Variants in NLGN1 observed in about 807,000 individuals in gnomAD.
The protein encoded by NLGN1 is neuroligin 1.
NLGN1 carries 12 observed loss-of-function variants against 65.5 expected under a neutral mutation model. The observed-to-expected ratio is 0.18, with a 90% CI of 0.12 to 0.30. The LOEUF (loss-of-function observed/expected upper bound fraction) is 0.30. Ranked by LOEUF, NLGN1 falls within the 10% of genes least tolerant of loss-of-function variation. NLGN1 has a pLI of 1.00. For synonymous variants in NLGN1, 350 were observed against 359.5 expected, an observed-to-expected ratio of 0.97 and a Z score of 0.30; for missense variants, 750 against 1,007.1, an observed-to-expected ratio of 0.74 and a Z score of 3.46.
At chr3:174,096,353 C>CA (rs1327470611) in intron 4 of NLGN1, among the ~76,000 whole-genome samples, 1 of 151,822 alleles carries the variant, frequency 6.6e-6, no homozygotes, top group East Asian at 1.9e-4. Flanking sequence ...CTCCGCAGAA[C>CA]ATGGGTTGAT....
chr3:173,576,031 A>G (rs1365944730), intron 2 of NLGN1, among the ~76,000 whole-genome samples: 3 of 152,086 alleles, frequency 2.0e-5, no homozygotes, highest in South Asian at 4.1e-4. Flanking sequence ...TTCCAAGTTG[A>G]GATGTACTCT....
intron 2 of NLGN1, among the ~76,000 whole-genome samples, chr3:173,518,617 T>C (rs936462632): frequency 3.9e-5 from 6 of 151,920 alleles, no homozygotes; most frequent in Non-Finnish European, 7.4e-5. Flanking sequence ...TCTCTTATTT[T>C]CTGACTTTGT....
rs1038309298 is a variant in NLGN1, at chr3:173,731,802, A to G, written c.494-75878A>G. Among the ~76,000 whole-genome samples, 5 of 152,188 alleles carry G rather than the reference A, an allele frequency of 3.3e-5. No individual in the cohort carries two copies. The East Asian group carries it at 9.7e-4, about 29-fold the overall frequency. On this transcript the variant is annotated intron_variant, in intron 3 of 6. Transcript: ENST00000457714. ...TAAATATATAAAGGAGATGTGCAAA[A>G]TGAGATGGATTTAGGTTCTTGTATT...
intron 4 of NLGN1, among the ~76,000 whole-genome samples, chr3:173,883,851 T>G (rs151221298): frequency 0.01 from 1,542 of 150,514 alleles, 31 homozygotes; most frequent in African/African-American, 0.033. Flanking sequence ...TCCATGACCT[T>G]TAAAGGTAAA....
chr3:173,500,603 A>T (rs1286632377), intron 2 of NLGN1, among the ~76,000 whole-genome samples: 5 of 151,960 alleles, frequency 3.3e-5, no homozygotes, highest in Non-Finnish European at 7.4e-5. Flanking sequence ...TTTTCTATTG[A>T]TTGGAATAGT....
chr3:173,929,707 T>C (rs891731590), intron 4 of NLGN1, among the ~76,000 whole-genome samples: 6 of 151,362 alleles, frequency 4.0e-5, no homozygotes, highest in African/African-American at 1.5e-4. Context: ...TTTTTTTCTT[T>C]TTTTTTTTCT....
intron 4 of NLGN1, among the ~76,000 whole-genome samples, chr3:174,191,639 G>C (rs1457827297): frequency 6.6e-6 from 1 of 152,144 alleles, no homozygotes; most frequent in Non-Finnish European, 1.5e-5. Flanking sequence ...CCACATTCAA[G>C]CTATGAAGAA....
intron 1 of NLGN1, among the ~76,000 whole-genome samples, chr3:173,420,053 T>G (rs1246290793): frequency 6.9e-6 from 1 of 144,700 alleles, no homozygotes; most frequent in African/African-American, 2.6e-5. Flanking sequence ...ATTTGCTTGA[T>G]AGATCTTTTT....
chr3:174,235,280 G>A (rs1741507498), intron 4 of NLGN1, among the ~76,000 whole-genome samples: 1 of 151,870 alleles, frequency 6.6e-6, no homozygotes, highest in Admixed American at 6.6e-5. Flanking sequence ...TATACACCAA[G>A]TCTGTAACTC....
At chr3:173,956,368 G>A (rs1461545883) in intron 4 of NLGN1, among the ~76,000 whole-genome samples, 1 of 151,952 alleles carries the variant, frequency 6.6e-6, no homozygotes, top group Non-Finnish European at 1.5e-5. Context: ...CTTTATTGTT[G>A]TAATCTCCTT....
chr3:173,886,688 T>A (rs1416687700), intron 4 of NLGN1, among the ~76,000 whole-genome samples: 2 of 152,022 alleles, frequency 1.3e-5, no homozygotes, highest in African/African-American at 4.8e-5. Context: ...AAAATCGAAA[T>A]AAATGAAGAA....
At chr3:173,784,286 A>G (rs577465130) in intron 3 of NLGN1, among the ~76,000 whole-genome samples, 1 of 152,304 alleles carries the variant, frequency 6.6e-6, no homozygotes, top group East Asian at 1.9e-4. Flanking sequence ...GAATATTAAC[A>G]TCTCTCCATG....
At chr3:174,211,921 C>T (rs1304362775) in intron 4 of NLGN1, among the ~76,000 whole-genome samples, 6 of 152,332 alleles carry the variant, frequency 3.9e-5, no homozygotes, top group Non-Finnish European at 5.9e-5. Flanking sequence ...CAGTAGATCC[C>T]GCACTGGGGC....
intron 4 of NLGN1, among the ~76,000 whole-genome samples, chr3:173,849,152 A>T (rs1726396450): frequency 6.6e-6 from 1 of 152,154 alleles, no homozygotes; most frequent in Non-Finnish European, 1.5e-5. Context: ...AAAAAGAAAA[A>T]AATTCTTTTG....
At position 173,888,673 on chromosome 3, in the gene NLGN1, G is replaced by T. The variant is rs139828081; in HGVS notation, c.646+80841G>T. On this transcript the variant is annotated intron_variant, in intron 4 of 6. Transcript: ENST00000457714. ...TAAACTTATGACATTTTATTAATAC[G>T]AATATTTGATGTCCCAAAACTTCTA... is the stretch of plus-strand genomic sequence containing the variant. Among the ~76,000 whole-genome samples the T allele has an allele frequency of 3.3e-3, 507 of 152,044 alleles. 3 individuals carry two copies. The highest frequency in any genetic ancestry group is 8.4e-3 in the African/African-American group (348 of 41,506).
At position 173,517,773 on chromosome 3, in the gene NLGN1, TC is replaced by T. The variant is rs1734060105; in HGVS notation, c.-321+82696del. ...ATTTATCTATCTATCTATCTATCTA[TC>T]TATCTATCTATCTATCTATCTATCT... On this transcript the variant is annotated intron_variant, in intron 2 of 6. Transcript: ENST00000457714. 2.6e-5 allele frequency among the ~76,000 whole-genome samples: 4 copies of T among 151,744 alleles called. No homozygotes were observed. In the South Asian group the frequency reaches 8.3e-4, roughly 32 times the overall value.
chr3:174,271,982 A>G (rs1418116961), intron 4 of NLGN1, among the ~76,000 whole-genome samples: 2 of 151,730 alleles, frequency 1.3e-5, no homozygotes, highest in African/African-American at 4.8e-5. Flanking sequence ...TTTTCTGAAA[A>G]GGAAAAGAGT....
At chr3:173,962,378 C>G (rs1218905832) in intron 4 of NLGN1, among the ~76,000 whole-genome samples, 1 of 152,066 alleles carries the variant, frequency 6.6e-6, no homozygotes, top group African/African-American at 2.4e-5. Context: ...TTTACTCTCT[C>G]TTTTATAATA....
chr3:174,054,605 A>G (rs1204871950), intron 4 of NLGN1, among the ~76,000 whole-genome samples: 1 of 151,952 alleles, frequency 6.6e-6, no homozygotes, highest in African/African-American at 2.4e-5. Context: ...TGTTTGTTTG[A>G]ATATTTCATT....
Sources: gnomAD v4.1 joint callset for allele counts (sites outside exome capture counted in the v4.1 genomes callset) on GRCh38, gnomAD v4.1.1 for gene constraint, MANE v1.5 for transcripts, NCBI Gene and HGNC (gene_info 2026-07-23, HGNC 2026-07-21) for gene names.